The following TNIK variants were observed in gnomAD, a reference collection of about 807,000 sequenced individuals.
TNIK encodes TRAF2 and NCK-interacting protein kinase.
A neutral mutation model predicts 191.3 loss-of-function variants in TNIK; 49 were observed. The observed-to-expected ratio is 0.26, with a 90% CI of 0.20 to 0.32. The LOEUF is 0.32. Among genes scored for constraint, TNIK ranks in the 10% least tolerant of loss-of-function variants. TNIK has a pLI of 1.00. For missense variants in TNIK, 1,155 were observed against 1,702.3 expected (o/e 0.68, Z 5.66); for synonymous variants, 594 against 600.9 (o/e 0.99, Z 0.17).
chr3:171,229,299 T>C (rs1281510721), intron 2 of TNIK, among the ~76,000 whole-genome samples: 1 of 152,224 alleles, frequency 6.6e-6, no homozygotes, highest in Admixed American at 6.5e-5. Context: ...TACTGAACTG[T>C]ATGTTTCATA....
chr3:171,397,678 G>C (rs1167802320), intron 1 of TNIK, among the ~76,000 whole-genome samples: 1 of 152,166 alleles, frequency 6.6e-6, no homozygotes, highest in Non-Finnish European at 1.5e-5. Flanking sequence ...AGATATCACT[G>C]TAATATGTTT....
intron 17 of TNIK, 111 bp downstream of exon 17, chr3:171,125,801 G>C (rs1434261922): frequency 6.8e-7 from 1 of 1,463,636 alleles, no homozygotes; most frequent in Non-Finnish European, 9.3e-7. Context: ...ATGAGAAGGG[G>C]AAGTGCTTTG....
intron 3 of TNIK, 118 bp downstream of exon 3, chr3:171,228,047 A>T: frequency 8.7e-7 from 1 of 1,146,198 alleles, no homozygotes; most frequent in Non-Finnish European, 1.3e-6. Context: ...TATGTGTATT[A>T]AATGCATTTT....
At chr3:171,237,697 G>A (rs1378784461) in intron 2 of TNIK, among the ~76,000 whole-genome samples, 1 of 152,120 alleles carries the variant, frequency 6.6e-6, no homozygotes, top group Non-Finnish European at 1.5e-5. Context: ...CAAGGCAGGA[G>A]GATCACTTGC....
rs142029747 is a variant in TNIK, at chr3:171,308,346, T to C, written c.123+61274A>G. On this transcript the variant is annotated intron_variant, in intron 2 of 32. Transcript: ENST00000436636. ...GGGAAAGGATTCCCTATACAATAAA[T>C]GGTGCTGAGATAACTGGTTAGCCAT... Among the ~76,000 whole-genome samples, 371 of 152,250 alleles carry C rather than the reference T, an allele frequency of 2.4e-3. 4 individuals are homozygous for C. Among genetic ancestry groups the C allele is most frequent in the African/African-American group, 8.6e-3 (356 of 41,560 alleles).
rs887246828 is a variant in TNIK at position 171,442,530 on chromosome 3, G to C, written c.57+17477C>G. Among the ~76,000 whole-genome samples, 3 of 152,224 alleles carry C rather than the reference G, an allele frequency of 2.0e-5. No individual in the cohort carries two copies. The East Asian group carries it at 5.8e-4, about 29-fold the overall frequency. On this transcript the variant is annotated intron_variant, in intron 1 of 32. Coordinates refer to ENST00000436636, the MANE Select transcript of TNIK (RefSeq NM_015028.4). ...AAAGCAAACCCTGTATCTGGGGCTC[G>C]GATCTCTGTATCTCTCTAAGATTTA...
chr3:171,231,216 GTTC>G (rs1163278578), intron 2 of TNIK, among the ~76,000 whole-genome samples: 2 of 152,168 alleles, frequency 1.3e-5, no homozygotes, highest in African/African-American at 2.4e-5. Flanking sequence ...GCAGTGGGCA[GTTC>G]TTGTTGGAAT....
rs984408919 is a variant in TNIK at position 171,219,495 on chromosome 3, C to T, written c.181-8254G>A. On this transcript the variant is annotated intron_variant, in intron 3 of 32. Coordinates refer to ENST00000436636, the MANE Select transcript of TNIK (RefSeq NM_015028.4). ...TGCAAAGATGGATAATGCACAGTTC[C>T]TGTCCCTGGCCTTGAAAGCTTATTA... 2.0e-5 allele frequency among the ~76,000 whole-genome samples: 3 copies of T among 151,786 alleles called. No homozygotes were observed. The Admixed American group carries it at 2.0e-4, about 10-fold the overall frequency.
intron 2 of TNIK, among the ~76,000 whole-genome samples, chr3:171,309,981 T>C (rs1226837538): frequency 3.3e-5 from 5 of 152,180 alleles, no homozygotes; most frequent in Non-Finnish European, 7.4e-5. Context: ...ATCCTTTTTC[T>C]GAAATCCCAT....
chr3:171,106,444 G>T (rs1437428128), intron 21 of TNIK, among the ~76,000 whole-genome samples: 6 of 152,138 alleles, frequency 3.9e-5, no homozygotes, highest in African/African-American at 1.2e-4. Flanking sequence ...CACAAAAGTA[G>T]TGCTCAGCAG....
chr3:171,368,020 C>G (rs1715983356), intron 2 of TNIK, among the ~76,000 whole-genome samples: 1 of 152,120 alleles, frequency 6.6e-6, no homozygotes, highest in South Asian at 2.1e-4. Flanking sequence ...TCTTCCCTCT[C>G]TAAAAAGATC....
chr3:171,273,095 C>T (rs78187645), intron 2 of TNIK, among the ~76,000 whole-genome samples: 2 of 152,244 alleles, frequency 1.3e-5, no homozygotes, highest in East Asian at 3.9e-4. Context: ...CAGGGGAGCA[C>T]CAGAGCAAGC....
intron 3 of TNIK, among the ~76,000 whole-genome samples, chr3:171,227,619 G>A (rs532593806): frequency 6.6e-6 from 1 of 152,252 alleles, no homozygotes; most frequent in South Asian, 2.1e-4. Context: ...TAATTAGAGT[G>A]ATGTACCCAT....
intron 19 of TNIK, among the ~76,000 whole-genome samples, chr3:171,110,134 C>T (rs1321565134): frequency 2.0e-5 from 3 of 152,188 alleles, no homozygotes; most frequent in Admixed American, 6.5e-5. Flanking sequence ...TTGGAACTCC[C>T]GACCTTAGGT....
chr3:171,394,848 CT>C (rs1720019727), intron 1 of TNIK, among the ~76,000 whole-genome samples: 2 of 152,180 alleles, frequency 1.3e-5, no homozygotes, highest in Admixed American at 6.5e-5. Context: ...TATGAAGCAC[CT>C]TTTTAAAAAT....
intron 7 of TNIK, among the ~76,000 whole-genome samples, chr3:171,184,006 C>G (rs1405393689): frequency 1.4e-5 from 2 of 145,796 alleles, no homozygotes; most frequent in Non-Finnish European, 3.0e-5. Flanking sequence ...AATATATATA[C>G]TAAGTACTAT....
Position 171,123,809 on chromosome 3 carries a change from C to T in TNIK, c.2014-107G>A, listed in dbSNP as rs1576890980. On this transcript the variant is annotated intron_variant, in intron 17 of 32. Coordinates refer to ENST00000436636, the MANE Select transcript of TNIK (RefSeq NM_015028.4). ...TTTGCCAGAAGCCACAGAAACTATC[C>T]GAAACAGTAAAGAACTATCTTTCAT... 20 of 722,928 alleles carry T rather than the reference C, an allele frequency of 2.8e-5. No individual in the cohort carries two copies. In the East Asian group the frequency reaches 5.3e-4, roughly 19 times the overall value. 44.8% of individuals were successfully genotyped at this position (722,928 alleles called of 1,614,324 possible). A position where few individuals can be genotyped will look rare whatever the true frequency, so the allele number is the denominator to read the frequency against.
At chr3:171,426,278 C>T (rs1029059859) in intron 1 of TNIK, among the ~76,000 whole-genome samples, 7 of 151,570 alleles carry the variant, frequency 4.6e-5, no homozygotes, top group Admixed American at 4.6e-4. Flanking sequence ...AGCTGGACAC[C>T]ATCATTCTCA....
At chr3:171,113,221 CTT>C (rs779653697) in intron 18 of TNIK, among the ~76,000 whole-genome samples, 1 of 152,050 alleles carries the variant, frequency 6.6e-6, no homozygotes, top group Non-Finnish European at 1.5e-5. Context: ...CTTGTGGAGT[CTT>C]TGTATTTTTT....
Sources: allele counts gnomAD v4.1 joint callset (sites outside exome capture counted in the v4.1 genomes callset), GRCh38; gene constraint gnomAD v4.1.1; transcripts MANE v1.5; gene names NCBI Gene and HGNC (gene_info 2026-07-23, HGNC 2026-07-21).